SH3PXD2B: variants seen among roughly 807,000 people sequenced by gnomAD.
SH3PXD2B encodes SH3 and PX domain-containing protein 2B.
Under a neutral mutation model 73.1 loss-of-function variants are expected in SH3PXD2B, and 37 were observed. The ratio of observed to expected loss-of-function variants is 0.51; its 90% confidence interval spans 0.39 to 0.67. The LOEUF is 0.67. SH3PXD2B is among the 30% of genes least tolerant of loss of function. SH3PXD2B has a pLI of 0.00. For synonymous variants in SH3PXD2B, 457 were observed against 480.5 expected, an observed-to-expected ratio of 0.95 and a Z score of 0.64; for missense variants, 1,053 against 1,197.8, an observed-to-expected ratio of 0.88 and a Z score of 1.78.
intron 3 of SH3PXD2B, among the ~76,000 whole-genome samples, chr5:172,403,198 G>A (rs896457413): frequency 6.6e-6 from 1 of 152,250 alleles, no homozygotes; most frequent in Non-Finnish European, 1.5e-5. Flanking sequence ...TTCCACTGTG[G>A]AGGAAGGCCA....
intron 1 of SH3PXD2B, among the ~76,000 whole-genome samples, chr5:172,432,333 A>G (rs34151922): frequency 0.097 from 14,714 of 152,254 alleles, 889 homozygotes; most frequent in Middle Eastern, 0.14. Context: ...ATGTTAGCAC[A>G]GCATTTGTGG....
intron 1 of SH3PXD2B, among the ~76,000 whole-genome samples, chr5:172,429,795 GA>G (rs1759189703): frequency 6.6e-6 from 1 of 152,202 alleles, no homozygotes; most frequent in Non-Finnish European, 1.5e-5. Context: ...GCACAGCTAT[GA>G]CGTGCAGAGC....
At chr5:172,402,432 T>C (rs928109948) in intron 3 of SH3PXD2B, among the ~76,000 whole-genome samples, 3 of 152,228 alleles carry the variant, frequency 2.0e-5, no homozygotes, top group Admixed American at 6.5e-5. Flanking sequence ...TTGTGAAGCA[T>C]GTGATCTCTG....
chr5:172,380,431 G>A (rs1303423074), intron 5 of SH3PXD2B, among the ~76,000 whole-genome samples: 1 of 152,182 alleles, frequency 6.6e-6, no homozygotes, highest in Non-Finnish European at 1.5e-5. Flanking sequence ...GATTTACCTT[G>A]TGTAGAAATT....
chr5:172,325,782 G>T (rs1219030445), intron 12 of SH3PXD2B, among the ~76,000 whole-genome samples: 1 of 151,990 alleles, frequency 6.6e-6, no homozygotes, highest in Non-Finnish European at 1.5e-5. Context: ...GTTTTGTTTT[G>T]TTTTGTTTTG....
chr5:172,339,889 A>T lies in SH3PXD2B; in HGVS notation c.1216T>A (p.Trp406Arg). Reference protein sequence around the residue: ...EVIEKNLSGWWYIQIEDKEGW... With the variant: ...EVIEKNLSGWRYIQIEDKEGW... ...TCCTTATCTTCAATCTGAATGTACC[A>T]CCAGCCACTCAAGTTTTTCTCGATC... The change falls in exon 13 of 13, where the codon TGG (tryptophan) becomes AGG (arginine). Residue 406 changes from tryptophan (W) to arginine (R), a missense_variant. Physicochemically the swap from Trp to Arg is moderately radical, Grantham distance 101 (BLOSUM62 -3). Coordinates refer to ENST00000311601, the MANE Select transcript of SH3PXD2B (RefSeq NM_001017995.3). This position sits in a 1 kb window ranked among gnomAD's most constrained non-coding sequence, Gnocchi z 6.1. 6.2e-7 allele frequency: 1 copy of T among 1,612,822 alleles called. No homozygotes were observed. The highest frequency in any genetic ancestry group is 8.5e-7 in the Non-Finnish European group (1 of 1,179,826).
intron 1 of SH3PXD2B, among the ~76,000 whole-genome samples, chr5:172,427,380 C>G (rs1759119635): frequency 6.6e-6 from 1 of 152,168 alleles, no homozygotes; most frequent in African/African-American, 2.4e-5. Flanking sequence ...AGGTCTCGCT[C>G]TGTCACCCAG....
rs1756624409 is a variant in SH3PXD2B, at chr5:172,333,901, A to C, written c.*4468T>G. 1 of 1,269,410 alleles carries C rather than the reference A, an allele frequency of 7.9e-7. No homozygotes were observed. Among genetic ancestry groups the C allele is most frequent in the African/African-American group, 1.6e-5 (1 of 64,250 alleles). The allele number at this position is 1,269,410 out of a possible 1,614,324, so 78.6% of individuals were successfully genotyped here. A position where few individuals can be genotyped will look rare whatever the true frequency, so the allele number is the denominator to read the frequency against. On this transcript the variant is annotated 3_prime_UTR_variant, in exon 13 of 13. Coordinates refer to ENST00000311601, the MANE Select transcript of SH3PXD2B (RefSeq NM_001017995.3). The stretch of plus-strand genomic sequence containing the variant: ...GGGCGCTAACAATAATTACACGGGC[A>C]CAAAGGCATACATGGGCACACACTG...
At chr5:172,345,098 G>GAGGGAAGGAAGA (rs377731580) in intron 12 of SH3PXD2B, among the ~76,000 whole-genome samples, 4 of 148,768 alleles carry the variant, frequency 2.7e-5, no homozygotes, top group Admixed American at 1.3e-4. Flanking sequence ...AGGAAAGAAG[G>GAGGGAAGGAAGA]AGGGAAGGAA....
chr5:172,346,739 G>C (rs868534123), intron 11 of SH3PXD2B, among the ~76,000 whole-genome samples: 6 of 152,030 alleles, frequency 3.9e-5, no homozygotes, highest in African/African-American at 1.5e-4. Flanking sequence ...TCGGCACGCT[G>C]CATGGCACGC....
exon 13 of SH3PXD2B, chr5:172,325,251 C>T (rs1408118512): frequency 6.7e-6 from 10 of 1,489,020 alleles, no homozygotes; most frequent in Non-Finnish European, 9.0e-6. Flanking sequence ...TTCATGTTCA[C>T]AGCAGCAAGG....
chr5:172,334,538 G>A lies in SH3PXD2B; in HGVS notation c.*3831C>T, dbSNP rs1756641915. The A allele has an allele frequency of 2.0e-6, 2 of 985,448 alleles. No homozygotes were observed. The highest frequency in any genetic ancestry group is 1.1e-4 in the East Asian group (1 of 8,832). The allele number at this position is 985,448 out of a possible 1,614,324, so 61.0% of individuals were successfully genotyped here. On this transcript the variant is annotated 3_prime_UTR_variant, in exon 13 of 13. Coordinates refer to ENST00000311601, the MANE Select transcript of SH3PXD2B (RefSeq NM_001017995.3). ...TTGGGGGATAAGACAGCCACACATG[G>A]CTCAGGCTGTTAGGTGTCCACTGTC...
chr5:172,385,213 G>C (rs1758032898), intron 4 of SH3PXD2B, among the ~76,000 whole-genome samples: 1 of 152,142 alleles, frequency 6.6e-6, no homozygotes, highest in Admixed American at 6.6e-5. Flanking sequence ...CATAATGAAG[G>C]AGCTGATTAT....
intron 1 of SH3PXD2B, among the ~76,000 whole-genome samples, chr5:172,431,416 A>G (rs778214185): frequency 6.6e-6 from 1 of 152,214 alleles, no homozygotes; most frequent in Non-Finnish European, 1.5e-5. Flanking sequence ...GGCTTCGGGT[A>G]GTATTCCAGT....
At position 172,422,492 on chromosome 5, in the gene SH3PXD2B, T is replaced by C; in HGVS notation, c.80A>G (p.Tyr27Cys). The C allele has an allele frequency of 6.2e-7, 1 of 1,611,390 alleles. No individual in the cohort carries two copies. Among genetic ancestry groups the C allele is most frequent in the East Asian group, 2.2e-5 (1 of 44,852 alleles). ...GCTGGACCACGTGACCCGGATGATG[T>C]AGACCTGCGGGAGCAACAGAGGAGA... ...KRRVPNKHYV[Y>C]IIRVTWSSGS... is the part of the protein sequence containing the mutation. Residue 27 changes from tyrosine (Y) to cysteine (C), a missense_variant, in exon 2 of 13, where the codon TAC becomes TGC. Physicochemically the swap from Tyr to Cys is radical, Grantham distance 194. Transcript: ENST00000311601.
At chr5:172,447,753 G>A (rs1331311783) in intron 1 of SH3PXD2B, among the ~76,000 whole-genome samples, 1 of 152,232 alleles carries the variant, frequency 6.6e-6, no homozygotes, top group Non-Finnish European at 1.5e-5. Context: ...ATAATTTGAA[G>A]ATATGACTGC....
At position 172,366,310 on chromosome 5, in the gene SH3PXD2B, G is replaced by A. The variant is rs534710234; in HGVS notation, c.428-3441C>T. ...GGGGAGGGGAGGGGAGGCAGATCCT[G>A]TAACTGGTCTCTGTCCTGCCCCTCC... On this transcript the variant is annotated intron_variant, in intron 6 of 12. Transcript: ENST00000311601. Among the ~76,000 whole-genome samples the A allele has an allele frequency of 6.6e-5, 10 of 152,312 alleles. No individual in the cohort carries two copies. In the South Asian group the frequency reaches 1.5e-3, roughly 22 times the overall value.
At position 172,336,870 on chromosome 5, in the gene SH3PXD2B, C is replaced by T. The variant is rs1185569053; in HGVS notation, c.*1499G>A. The T allele has an allele frequency of 3.0e-6, 3 of 985,420 alleles. No individual in the cohort carries two copies. The highest frequency in any genetic ancestry group is 2.4e-6 in the Non-Finnish European group (2 of 829,936). 61.0% of individuals were successfully genotyped at this position (985,420 alleles called of 1,614,324 possible). A position where few individuals can be genotyped will look rare whatever the true frequency, so the allele number is the denominator to read the frequency against. Reference sequence around the variant, plus strand: ...TCAGTTTGACAGATGACCACATCTGCCCTGGGTTTCTTCAAGGGAGAAAAC... The same window carrying T: ...TCAGTTTGACAGATGACCACATCTGTCCTGGGTTTCTTCAAGGGAGAAAAC... On this transcript the variant is annotated 3_prime_UTR_variant, in exon 13 of 13. Transcript: ENST00000311601.
At position 172,335,793 on chromosome 5, in the gene SH3PXD2B, G is replaced by C; in HGVS notation, c.*2576C>G. 8.1e-7 allele frequency: 1 copy of C among 1,230,258 alleles called. No individual in the cohort carries two copies. The highest frequency in any genetic ancestry group is 1.0e-6 in the Non-Finnish European group (1 of 987,628). The allele number at this position is 1,230,258 out of a possible 1,614,324, so 76.2% of individuals were successfully genotyped here. ...CACCCTGACCCACCCACTGCCTGGG[G>C]AAGTGTCTACCATTGTAGGAAAAGG... is the stretch of plus-strand genomic sequence containing the variant. On this transcript the variant is annotated 3_prime_UTR_variant, in exon 13 of 13. Transcript: ENST00000311601.
Sources: gnomAD v4.1 joint callset for allele counts (sites outside exome capture counted in the v4.1 genomes callset) on GRCh38, gnomAD v4.1.1 for gene constraint, Gnocchi (gnomAD v3.1) non-coding constraint, MANE v1.5 for transcripts, NCBI Gene and HGNC (gene_info 2026-07-23, HGNC 2026-07-21) for gene names.